REV3L: variants seen among roughly 807,000 people sequenced by gnomAD.
REV3L encodes the protein REV3 like, DNA directed polymerase zeta catalytic subunit, also known as DNA polymerase zeta catalytic subunit.
A neutral mutation model predicts 299.4 loss-of-function variants in REV3L; 69 were observed. The observed-to-expected ratio is 0.23, with a 90% CI of 0.19 to 0.28. The LOEUF (loss-of-function observed/expected upper bound fraction) is 0.28, where lower values mean the gene tolerates loss of function less well. Ranked by LOEUF, REV3L falls within the 10% of genes least tolerant of loss-of-function variation. The pLI is 1.00. For missense variants in REV3L, 3,128 were observed against 3,693.8 expected (o/e 0.85, Z 3.97); for synonymous variants, 1,238 against 1,271.4 (o/e 0.97, Z 0.56).
chr6:111,304,618 T>C (rs1490356505), intron 31 of REV3L, among the ~76,000 whole-genome samples: 1 of 151,672 alleles, frequency 6.6e-6, no homozygotes, highest in Non-Finnish European at 1.5e-5. Context: ...TTTTTCTTTT[T>C]TTTTTTTTTT....
At chr6:111,321,652 T>G (rs572640044) in intron 26 of REV3L, among the ~76,000 whole-genome samples, 1 of 152,324 alleles carries the variant, frequency 6.6e-6, no homozygotes, top group Admixed American at 6.5e-5. Context: ...TCATTCAGCA[T>G]TAATATGATT....
chr6:111,423,559 AG>A (rs1164824772), intron 1 of REV3L, among the ~76,000 whole-genome samples: 5 of 151,978 alleles, frequency 3.3e-5, no homozygotes, highest in African/African-American at 1.2e-4. Context: ...TGTGAGAGAA[AG>A]TCTGTGTTTT....
intron 25 of REV3L, among the ~76,000 whole-genome samples, chr6:111,323,321 C>G (rs240965): frequency 1.3e-5 from 2 of 151,966 alleles, no homozygotes; most frequent in African/African-American, 4.8e-5. Flanking sequence ...TACAACTCAT[C>G]AGGCAGAAAA....
At chr6:111,390,061 A>G in intron 6 of REV3L, 25 bp downstream of exon 6, 1 of 1,483,144 alleles carries the variant, frequency 6.7e-7, no homozygotes, top group South Asian at 1.1e-5. Flanking sequence ...ATAAAAACAT[A>G]TATTAAGAAT....
chr6:111,402,893 GA>G (rs1197130377), intron 4 of REV3L, among the ~76,000 whole-genome samples: 2 of 152,158 alleles, frequency 1.3e-5, no homozygotes, highest in Non-Finnish European at 2.9e-5. Context: ...ACTTGACACA[GA>G]AATTCTACTC....
chr6:111,399,931 T>C (rs1010438430), intron 4 of REV3L, among the ~76,000 whole-genome samples: 5 of 152,178 alleles, frequency 3.3e-5, no homozygotes, highest in African/African-American at 9.7e-5. Context: ...TACTTCCCTC[T>C]CTCCTAAACC....
At chr6:111,451,361 T>C (rs573103171) in intron 1 of REV3L, among the ~76,000 whole-genome samples, 1 of 152,312 alleles carries the variant, frequency 6.6e-6, no homozygotes, top group East Asian at 1.9e-4. Flanking sequence ...ACAAAAGGCA[T>C]TCTATAACAT....
intron 18 of REV3L, 166 bp downstream of exon 18, chr6:111,356,848 T>C: frequency 2.9e-6 from 1 of 342,802 alleles, no homozygotes. Flanking sequence ...ATAGTGATGG[T>C]GGTGGGAAGT....
At chr6:111,462,872 T>C (rs936136551) in intron 1 of REV3L, among the ~76,000 whole-genome samples, 1 of 151,976 alleles carries the variant, frequency 6.6e-6, no homozygotes, top group Non-Finnish European at 1.5e-5. Context: ...AACACCCCGT[T>C]AGGCCTAACT....
At chr6:111,361,419 C>CAAAAAAA (rs71021837) in intron 16 of REV3L, 1 of 86,610 alleles carries the variant, frequency 1.2e-5, no homozygotes, top group African/African-American at 4.8e-5. Flanking sequence ...CACACACACA[C>CAAAAAAA]AAAAAAAAAA....
intron 14 of REV3L, among the ~76,000 whole-genome samples, chr6:111,365,994 T>C (rs1262608524): frequency 6.6e-6 from 1 of 152,142 alleles, no homozygotes; most frequent in Non-Finnish European, 1.5e-5. Flanking sequence ...TCTGGGTTAC[T>C]TGGGAGATAA....
At chr6:111,323,403 A>C (rs1171069426) in intron 25 of REV3L, among the ~76,000 whole-genome samples, 2 of 152,326 alleles carry the variant, frequency 1.3e-5, no homozygotes, top group South Asian at 2.1e-4. Context: ...GTTGATGATA[A>C]TGTCTTTCAA....
At chr6:111,425,181 G>A (rs7755675) in intron 1 of REV3L, among the ~76,000 whole-genome samples, 5,482 of 152,212 alleles carry the variant, frequency 0.036, 329 homozygotes, top group African/African-American at 0.12. Flanking sequence ...AGAGACTGCC[G>A]GGCGCGGTGG....
intron 21 of REV3L, 138 bp from the exon 22 acceptor site, chr6:111,335,748 A>C: frequency 1.3e-6 from 1 of 765,278 alleles, no homozygotes; most frequent in South Asian, 2.5e-5. Context: ...GCCTTTAAGC[A>C]AAGTATGCTA....
chr6:111,340,636 TC>T (rs1776383573), intron 21 of REV3L, among the ~76,000 whole-genome samples: 1 of 152,054 alleles, frequency 6.6e-6, no homozygotes, highest in Non-Finnish European at 1.5e-5. Context: ...CAAATGGAAA[TC>T]AAAAGGGGTT....
Position 111,483,044 on chromosome 6 carries a change from G to T in REV3L, c.-156C>A. 2 of 928,740 alleles carry T rather than the reference G, an allele frequency of 2.2e-6. No individual in the cohort carries two copies. Among genetic ancestry groups the T allele is most frequent in the Non-Finnish European group, 1.5e-6 (1 of 680,478 alleles). The allele number at this position is 928,740 out of a possible 1,614,324, so 57.5% of individuals were successfully genotyped here. A position where few individuals can be genotyped will look rare whatever the true frequency, so the allele number is the denominator to read the frequency against. ...GGCACCTCGAGGAGCGGCGGGCGGG[G>T]CGGTGTAGGCGCTGCTGCCGCCGCC... On this transcript the variant is annotated 5_prime_UTR_variant, in exon 1 of 32. Transcript: ENST00000368802.
At chr6:111,390,379 A>G (rs1781796790) in intron 5 of REV3L, among the ~76,000 whole-genome samples, 199 bp from the exon 6 acceptor site, 2 of 152,198 alleles carry the variant, frequency 1.3e-5, no homozygotes, top group South Asian at 4.1e-4. Flanking sequence ...AACATATTAT[A>G]CTGACTACCC....
intron 1 of REV3L, among the ~76,000 whole-genome samples, chr6:111,423,671 G>C (rs1785836496): frequency 6.6e-6 from 1 of 152,174 alleles, no homozygotes; most frequent in Admixed American, 6.5e-5. Flanking sequence ...CAGAACTACA[G>C]AAAGGAAAAT....
At chr6:111,402,552 T>A (rs1181450236) in intron 4 of REV3L, among the ~76,000 whole-genome samples, 1 of 152,238 alleles carries the variant, frequency 6.6e-6, no homozygotes, top group Non-Finnish European at 1.5e-5. Context: ...TAAATTTTTT[T>A]ATTTCAATGT....
Sources: allele counts gnomAD v4.1 joint callset (sites outside exome capture counted in the v4.1 genomes callset), GRCh38; gene constraint gnomAD v4.1.1; transcripts MANE v1.5; gene names NCBI Gene and HGNC (gene_info 2026-07-23, HGNC 2026-07-21).